ETF1: variants seen among roughly 807,000 people sequenced by gnomAD.
The protein encoded by ETF1 is eukaryotic translation termination factor 1.
In ETF1, 4 loss-of-function variants were observed where a neutral mutation model predicts 55.1. The ratio of observed to expected loss-of-function variants is 0.07; its 90% confidence interval spans 0.04 to 0.17. The LOEUF (loss-of-function observed/expected upper bound fraction) is 0.17, where lower values mean the gene tolerates loss of function less well. Among genes scored for constraint, ETF1 ranks in the 10% least tolerant of loss-of-function variants. The pLI, the probability that ETF1 is intolerant of heterozygous loss-of-function variation, is 1.00. For synonymous variants in ETF1, 157 were observed against 182.3 expected (o/e 0.86, Z 1.12); for missense variants, 142 against 523.6 (o/e 0.27, Z 7.11).
At position 138,510,489 on chromosome 5, in the gene ETF1, C is replaced by A. The variant is rs1372030411; in HGVS notation, c.1083+76G>T. 5 of 1,138,898 alleles carry A rather than the reference C, an allele frequency of 4.4e-6. No individual in the cohort carries two copies. In the Admixed American group the frequency reaches 8.9e-5, roughly 20 times the overall value. 70.5% of individuals were successfully genotyped at this position (1,138,898 alleles called of 1,614,324 possible). ...ATAAGGTTTGGTTTCCCAAAGCTCA[C>A]CCTCTACACAGCCAGTACTCTAACA... is the stretch of plus-strand genomic sequence containing the variant. On this transcript the variant is annotated intron_variant, in intron 9 of 10. Transcript: ENST00000360541.
intron 2 of ETF1, among the ~76,000 whole-genome samples, chr5:138,524,476 C>T (rs923572799): frequency 6.6e-6 from 1 of 151,456 alleles, no homozygotes; most frequent in Non-Finnish European, 1.5e-5. Flanking sequence ...TTACCTAAGC[C>T]CTAGAGGTTG....
chr5:138,538,791 C>T (rs1038378612), intron 2 of ETF1, among the ~76,000 whole-genome samples: 3 of 152,094 alleles, frequency 2.0e-5, no homozygotes, highest in Non-Finnish European at 4.4e-5. Context: ...ATCCAACATA[C>T]CTTAATTTAT....
intron 2 of ETF1, among the ~76,000 whole-genome samples, chr5:138,532,842 T>C (rs1001223756): frequency 6.6e-6 from 1 of 152,240 alleles, no homozygotes; most frequent in Non-Finnish European, 1.5e-5. Flanking sequence ...TGATATAACC[T>C]ATGGCCAGTC....
intron 5 of ETF1, chr5:138,513,308 T>A: frequency 1.5e-6 from 1 of 651,082 alleles, no homozygotes; most frequent in Non-Finnish European, 1.9e-6. Flanking sequence ...CTTGGCTCAA[T>A]GCAACCTCCG....
At chr5:138,510,850 G>A (rs944260035) in intron 8 of ETF1, 195 bp downstream of exon 8, 1 of 803,992 alleles carries the variant, frequency 1.2e-6, no homozygotes, top group Non-Finnish European at 1.5e-6. Context: ...CTCAGCAGAT[G>A]TAACAATCTT....
chr5:138,527,445 A>C (rs154076), intron 2 of ETF1, among the ~76,000 whole-genome samples: 72,812 of 152,132 alleles, frequency 0.48, 19,603 homozygotes, highest in Non-Finnish European at 0.6. Context: ...TTATCATCAC[A>C]AACACTTGCT....
At chr5:138,542,801 A>AGGGCACGGAGGGTGCC (rs1561850487) in intron 2 of ETF1, 32 bp downstream of exon 2, 1 of 1,609,762 alleles carries the variant, frequency 6.2e-7, no homozygotes, top group East Asian at 2.2e-5. Flanking sequence ...GGGAACCAAG[A>AGGGCACGGAGGGTGCC]GGGCACGGAG....
intron 2 of ETF1, among the ~76,000 whole-genome samples, chr5:138,534,180 G>A (rs1336791212): frequency 6.6e-6 from 1 of 152,140 alleles, no homozygotes; most frequent in African/African-American, 2.4e-5. Context: ...TCAGAATAAA[G>A]TTCACAAAGG....
chr5:138,510,818 T>C (rs1356578959), intron 8 of ETF1, 189 bp from the exon 9 acceptor site: 4 of 679,042 alleles, frequency 5.9e-6, no homozygotes, highest in Admixed American at 1.3e-4. Context: ...ACATCAGAGA[T>C]GTTCAAGATA....
intron 9 of ETF1, chr5:138,509,328 A>T (rs1764672852): frequency 5.1e-6 from 1 of 194,744 alleles, no homozygotes; most frequent in Non-Finnish European, 9.3e-6. Context: ...GAGCTGATCA[A>T]GTGAAGAAAG....
intron 6 of ETF1, 146 bp from the exon 7 acceptor site, chr5:138,511,750 A>C: frequency 7.2e-7 from 1 of 1,384,468 alleles, no homozygotes. Context: ...GAAGGAGCCC[A>C]ATTTAATCAA....
chr5:138,509,113 C>A (rs527502855), intron 9 of ETF1: 18 of 985,234 alleles, frequency 1.8e-5, no homozygotes, highest in East Asian at 1.1e-4. Flanking sequence ...AGAAGTCAGG[C>A]TGTTGTAGTG....
intron 2 of ETF1, among the ~76,000 whole-genome samples, chr5:138,539,689 C>T (rs183414546): frequency 6.6e-6 from 1 of 152,318 alleles, no homozygotes; most frequent in African/African-American, 2.4e-5. Flanking sequence ...GGTTACAAAA[C>T]AGAATGCTAT....
At chr5:138,517,519 G>T in intron 4 of ETF1, 42 bp downstream of exon 4, 1 of 1,339,720 alleles carries the variant, frequency 7.5e-7, no homozygotes, top group Non-Finnish European at 1.0e-6. Flanking sequence ...TACGGGGAAA[G>T]AATTCTGGAG....
rs759635512 is a variant in ETF1, at chr5:138,511,204, C to T, written c.863-4G>A. ...CTGATTTCATCAAAGTATCGTCCTA[C>T]GATTAGGGATCAGTCAACAGGATAT... On this transcript the variant is annotated splice_region_variant and splice_polypyrimidine_tract_variant and intron_variant, in intron 7 of 10. Transcript: ENST00000360541. The T allele has an allele frequency of 2.5e-5, 41 of 1,613,624 alleles. No individual in the cohort carries two copies. The highest frequency in any genetic ancestry group is 1.6e-4 in the Middle Eastern group (1 of 6,084).
intron 8 of ETF1, 72 bp from the exon 9 acceptor site, chr5:138,510,701 A>G: frequency 6.4e-7 from 1 of 1,574,260 alleles, no homozygotes; most frequent in Non-Finnish European, 8.6e-7. Context: ...CCATAAGATG[A>G]GGTTAGATGA....
intron 9 of ETF1, 54 bp downstream of exon 9, chr5:138,510,511 A>T: frequency 1.4e-6 from 2 of 1,393,904 alleles, no homozygotes; most frequent in Non-Finnish European, 2.0e-6. Context: ...CCAGTACTCT[A>T]ACACACGGAT....
chr5:138,509,992 C>T lies in ETF1; in HGVS notation c.1083+573G>A, dbSNP rs1261643334. 4.8e-5 allele frequency among the ~76,000 whole-genome samples: 7 copies of T among 147,256 alleles called. No homozygotes were observed. In the South Asian group the frequency reaches 6.6e-4, roughly 14 times the overall value. The stretch of plus-strand genomic sequence containing the variant: ...GAAGGATTGCCTGAGCCCAGGGGTT[C>T]GAGGTTATAGTGAGCTATGATTGTG... On this transcript the variant is annotated intron_variant, in intron 9 of 10. Transcript: ENST00000360541.
chr5:138,513,497 C>A (rs1764897896), intron 5 of ETF1, 71 bp downstream of exon 5: 2 of 1,340,522 alleles, frequency 1.5e-6, no homozygotes, highest in Non-Finnish European at 2.1e-6. Flanking sequence ...AGCCACCGCA[C>A]CCGGCCCACC....
Sources: gnomAD v4.1 joint callset for allele counts (sites outside exome capture counted in the v4.1 genomes callset) on GRCh38, gnomAD v4.1.1 for gene constraint, MANE v1.5 for transcripts, NCBI Gene and HGNC (gene_info 2026-07-23, HGNC 2026-07-21) for gene names.